The following POF1B variants were observed in gnomAD, a reference collection of about 807,000 sequenced individuals.
POF1B encodes protein POF1B.
A neutral mutation model predicts 55.3 loss-of-function variants in POF1B; 53 were observed. The ratio of observed to expected loss-of-function variants is 0.96; its 90% CI spans 0.77 to 1.20. The LOEUF (loss-of-function observed/expected upper bound fraction) is 1.20, where lower values mean the gene tolerates loss of function less well. Ranked by LOEUF, POF1B falls within the 50% of genes most tolerant of loss-of-function variation. The probability of loss-of-function intolerance (pLI) is 0.00; values close to 1 mark genes in which losing one functional copy is unlikely to be tolerated. For synonymous variants in POF1B, 188 were observed against 148.3 expected (o/e 1.27, Z -1.95); for missense variants, 478 against 420.5 (o/e 1.14, Z -1.20).
At chrX:85,369,823 T>C (rs1310871932) in intron 2 of POF1B, among the ~76,000 whole-genome samples, 1 of 111,892 alleles carries the variant, frequency 8.9e-6, no homozygotes, top group Non-Finnish European at 1.9e-5. Context: ...TTTCCCAAAT[T>C]TGACTATGAT....
chrX:85,280,788 C>G (rs1160288887), intron 16 of POF1B, among the ~76,000 whole-genome samples: 1 of 111,184 alleles, frequency 9.0e-6, no homozygotes, highest in African/African-American at 3.3e-5. Flanking sequence ...CTACCAGTGG[C>G]TTACTATTAG....
intron 3 of POF1B, among the ~76,000 whole-genome samples, chrX:85,360,527 GTATATATATA>G (rs142665633): frequency 0.014 from 792 of 58,515 alleles, 37 homozygotes; most frequent in Admixed American, 0.11. Context: ...TCCATGGTAT[GTATATATATA>G]TATATATATA....
At chrX:85,357,721 A>T (rs1029680917) in intron 4 of POF1B, among the ~76,000 whole-genome samples, 1 of 110,890 alleles carries the variant, frequency 9.0e-6, no homozygotes, top group African/African-American at 3.3e-5. Flanking sequence ...CACTTAAAGT[A>T]GACATTTCTC....
At chrX:85,360,527 G>GTATATATATATATATA (rs142665633) in intron 3 of POF1B, among the ~76,000 whole-genome samples, 44 of 58,494 alleles carry the variant, frequency 7.5e-4, no homozygotes, top group African/African-American at 3.5e-3. Flanking sequence ...TCCATGGTAT[G>GTATATATATATATATA]TATATATATA....
intron 6 of POF1B, among the ~76,000 whole-genome samples, chrX:85,333,555 T>A (rs1226992519): frequency 4.5e-5 from 5 of 110,979 alleles, no homozygotes; most frequent in African/African-American, 1.6e-4. Flanking sequence ...CTGGAAAGAA[T>A]TTTTTTACAG....
chrX:85,338,362 A>G (rs1933112196), intron 6 of POF1B, among the ~76,000 whole-genome samples: 1 of 111,538 alleles, frequency 9.0e-6, no homozygotes, highest in Non-Finnish European at 1.9e-5. Flanking sequence ...ACTGAAATGG[A>G]TTTAGTGAAA....
At position 85,350,133 on chromosome X, in the gene POF1B, C is replaced by T. The variant is rs746312513; in HGVS notation, c.540+1217G>A. Among the ~76,000 whole-genome samples, 13 of 110,074 alleles carry T rather than the reference C, an allele frequency of 1.2e-4. No individual in the cohort carries two copies. The South Asian group carries it at 2.4e-3, about 20-fold the overall frequency. On this transcript the variant is annotated intron_variant, in intron 5 of 16. Coordinates refer to ENST00000262753, the MANE Select transcript of POF1B (RefSeq NM_024921.4). ...GTGCCATGCTGGTGTGCTGCACCCA[C>T]TAACTCGTCATTTAGCATTAAGTAT...
At chrX:85,375,183 G>T (rs1418696223) in intron 2 of POF1B, among the ~76,000 whole-genome samples, 1 of 111,519 alleles carries the variant, frequency 9.0e-6, no homozygotes, top group East Asian at 2.8e-4. Context: ...ATCAAAAAAT[G>T]ACCTCTACTG....
intron 7 of POF1B, among the ~76,000 whole-genome samples, chrX:85,319,523 T>C (rs1453915540): frequency 1.8e-5 from 2 of 111,598 alleles, no homozygotes; most frequent in Admixed American, 1.9e-4. Flanking sequence ...ATGGCTCTTA[T>C]TATTCTGAAG....
intron 6 of POF1B, among the ~76,000 whole-genome samples, chrX:85,343,637 T>C (rs1001299431): frequency 9.0e-5 from 10 of 111,437 alleles, no homozygotes; most frequent in Non-Finnish European, 1.9e-4. Flanking sequence ...TTTTATTTAG[T>C]ATTTTATGGA....
chrX:85,361,846 T>A (rs1185094547), intron 3 of POF1B, among the ~76,000 whole-genome samples: 5 of 111,428 alleles, frequency 4.5e-5, no homozygotes, highest in African/African-American at 1.6e-4. Context: ...TCCATGAGCA[T>A]GGAATGTTTC....
At chrX:85,364,529 A>C (rs752403529) in intron 3 of POF1B, among the ~76,000 whole-genome samples, 18 of 111,645 alleles carry the variant, frequency 1.6e-4, no homozygotes, top group African/African-American at 4.9e-4. Flanking sequence ...CTGGATATGA[A>C]ATCCTTGTTT....
chrX:85,341,882 T>G (rs183090064), intron 6 of POF1B, among the ~76,000 whole-genome samples: 1 of 111,441 alleles, frequency 9.0e-6, no homozygotes, highest in East Asian at 2.8e-4. Flanking sequence ...GTATTTTTCA[T>G]TGGCAATAGC....
intron 4 of POF1B, 73 bp from the exon 5 acceptor site, chrX:85,351,524 T>C (rs1340814453): frequency 2.6e-6 from 2 of 759,714 alleles, no homozygotes; most frequent in African/African-American, 4.3e-5. Flanking sequence ...TAGGCAAATA[T>C]CCAGTGTCGA....
chrX:85,333,150 T>A (rs1933008566), intron 6 of POF1B, among the ~76,000 whole-genome samples: 1 of 110,712 alleles, frequency 9.0e-6, no homozygotes, highest in Non-Finnish European at 1.9e-5. Flanking sequence ...ACACCATACA[T>A]TCCTGCCTCT....
chrX:85,345,776 T>G, intron 6 of POF1B, 84 bp downstream of exon 6: 1 of 882,033 alleles, frequency 1.1e-6, no homozygotes, highest in Non-Finnish European at 1.5e-6. Flanking sequence ...TGATGAAAAT[T>G]TAATGGGAGC....
rs1443848914 is a variant in POF1B at position 85,323,719 on chromosome X, G to T, written c.854+7230C>A. Reference sequence around the variant, plus strand: ...GTTTTTTATGTCTCAATTTCCTTCAGTTCAGCTTGAATTTGGTTATTTCTT... The same window carrying T: ...GTTTTTTATGTCTCAATTTCCTTCATTTCAGCTTGAATTTGGTTATTTCTT... On this transcript the variant is annotated intron_variant, in intron 7 of 16. Transcript: ENST00000262753. 3.6e-5 allele frequency among the ~76,000 whole-genome samples: 4 copies of T among 110,923 alleles called. No homozygotes were observed. In the East Asian group the frequency reaches 1.1e-3, roughly 31 times the overall value.
chrX:85,341,447 T>C (rs1933170294), intron 6 of POF1B, among the ~76,000 whole-genome samples: 1 of 111,036 alleles, frequency 9.0e-6, no homozygotes, highest in Non-Finnish European at 1.9e-5. Context: ...TAACAATGTG[T>C]TAAAAATAAA....
chrX:85,351,301 T>C, intron 5 of POF1B, 49 bp downstream of exon 5: 1 of 897,545 alleles, frequency 1.1e-6, no homozygotes, highest in Non-Finnish European at 1.6e-6. Context: ...TAAAATACAA[T>C]TCAAAATTAT....
Sources: gnomAD v4.1 joint callset for allele counts (sites outside exome capture counted in the v4.1 genomes callset) on GRCh38, gnomAD v4.1.1 for gene constraint, MANE v1.5 for transcripts, NCBI Gene and HGNC (gene_info 2026-07-23, HGNC 2026-07-21) for gene names.